PPP2R2C: variants seen among roughly 807,000 people sequenced by gnomAD.
The protein encoded by PPP2R2C is protein phosphatase 2 regulatory subunit Bgamma, also known as protein phosphatase 2, regulatory subunit B, gamma.
In PPP2R2C, 10 loss-of-function variants were observed where a neutral mutation model predicts 45.3. That is an observed-to-expected ratio of 0.22 (90% CI 0.14 to 0.37). The LOEUF (loss-of-function observed/expected upper bound fraction) is 0.37, where lower values mean the gene tolerates loss of function less well. Among genes scored for constraint, PPP2R2C ranks in the 10% least tolerant of loss-of-function variants. PPP2R2C has a pLI of 1.00. For synonymous variants in PPP2R2C, 257 were observed against 245.4 expected (o/e 1.05, Z -0.44); for missense variants, 308 against 619.7 (o/e 0.50, Z 5.34).
chr4:6,335,414 C>T (rs775622227), intron 6 of PPP2R2C, among the ~76,000 whole-genome samples: 2 of 152,012 alleles, frequency 1.3e-5, no homozygotes, highest in Admixed American at 6.5e-5. Context: ...GGACGGCACA[C>T]GCAAGGGCCC....
At chr4:6,543,750 C>G (rs1235673806) in intron 1 of PPP2R2C, among the ~76,000 whole-genome samples, 1 of 152,192 alleles carries the variant, frequency 6.6e-6, no homozygotes, top group Non-Finnish European at 1.5e-5. Flanking sequence ...CCCTGCCCGT[C>G]CTGCTACCTA....
intron 1 of PPP2R2C, among the ~76,000 whole-genome samples, chr4:6,422,943 T>C (rs2109395570): frequency 6.6e-6 from 1 of 152,264 alleles, no homozygotes; most frequent in East Asian, 1.9e-4. Flanking sequence ...ACCTGCCAAG[T>C]GCCAGCAGCA....
At position 6,333,741 on chromosome 4, in the gene PPP2R2C, CAG is replaced by C; in HGVS notation, c.791-12_791-11del. 6.2e-7 allele frequency: 1 copy of C among 1,613,892 alleles called. No homozygotes were observed. Among genetic ancestry groups the C allele is most frequent in the Non-Finnish European group, 8.5e-7 (1 of 1,179,898 alleles). On this transcript the variant is annotated splice_polypyrimidine_tract_variant and intron_variant, in intron 6 of 8. Coordinates refer to ENST00000382599, the MANE Select transcript of PPP2R2C (RefSeq NM_020416.4). ...TCAGGCTCTTCAAAGACTGTGGAGA[CAG>C]AGAAGCAATGGCCGTCACTGCGCTG...
At chr4:6,340,653 C>T (rs903378782) in intron 6 of PPP2R2C, among the ~76,000 whole-genome samples, 5 of 152,204 alleles carry the variant, frequency 3.3e-5, no homozygotes, top group African/African-American at 4.8e-5. Flanking sequence ...CTCTCACCTG[C>T]GTGAACACGC....
intron 2 of PPP2R2C, among the ~76,000 whole-genome samples, chr4:6,483,318 A>G (rs1422441035): frequency 1.3e-5 from 2 of 152,148 alleles, no homozygotes; most frequent in African/African-American, 4.8e-5. Flanking sequence ...ATGTTTTTAT[A>G]GAATAGTTTG....
At chr4:6,556,455 T>C (rs1246373597) in intron 1 of PPP2R2C, among the ~76,000 whole-genome samples, 3 of 152,296 alleles carry the variant, frequency 2.0e-5, no homozygotes, top group South Asian at 4.2e-4. Flanking sequence ...AGCTTCCGGA[T>C]GGAGCTCAGG....
chr4:6,349,195 G>A (rs187314982), intron 5 of PPP2R2C: 84 of 985,192 alleles, frequency 8.5e-5, no homozygotes, highest in Middle Eastern at 5.2e-4. Context: ...CTCAGGCTCC[G>A]GTCTCCCCGG....
chr4:6,511,819 A>ATGGTGG (rs1560594422), intron 2 of PPP2R2C, among the ~76,000 whole-genome samples: 1 of 2,874 alleles, frequency 3.5e-4, no homozygotes. Flanking sequence ...GGTGGTGGTG[A>ATGGTGG]TGGTGGTGGT....
chr4:6,467,678 G>T (rs1296673443), intron 1 of PPP2R2C, among the ~76,000 whole-genome samples: 1 of 152,190 alleles, frequency 6.6e-6, no homozygotes, highest in Non-Finnish European at 1.5e-5. Flanking sequence ...AAGCAGTCAG[G>T]GCTGTACGAG....
rs1344219106 is a variant in PPP2R2C, at chr4:6,522,004, A to G, written c.49+13267T>C. ...CCCTAAGCCAATGGCTTTGGGGGCC[A>G]TGACAAGTGGGGGCCACTGAGCTCT... On this transcript the variant is annotated intron_variant, in intron 2 of 9. Coordinates refer to the PPP2R2C transcript ENST00000506140. Among the ~76,000 whole-genome samples, 4 of 152,252 alleles carry G rather than the reference A, an allele frequency of 2.6e-5. No homozygotes were observed. In the East Asian group the frequency reaches 7.7e-4, roughly 29 times the overall value.
At chr4:6,554,924 A>G (rs1725319690) in intron 1 of PPP2R2C, among the ~76,000 whole-genome samples, 1 of 96,024 alleles carries the variant, frequency 1.0e-5, no homozygotes, top group Admixed American at 1.2e-4. Flanking sequence ...GGAAGGAAGG[A>G]AGGAAGGAAA....
intron 1 of PPP2R2C, among the ~76,000 whole-genome samples, chr4:6,395,061 C>T (rs1387091398): frequency 6.6e-6 from 1 of 152,142 alleles, no homozygotes; most frequent in African/African-American, 2.4e-5. Context: ...CCTGCAGCCG[C>T]CTCCTCTCTG....
intron 1 of PPP2R2C, among the ~76,000 whole-genome samples, chr4:6,468,708 G>A (rs576481694): frequency 2.0e-5 from 3 of 152,214 alleles, no homozygotes; most frequent in South Asian, 2.1e-4. Context: ...CTTGGCAAAT[G>A]GTGCTAAGCA....
At chr4:6,381,827 G>C in intron 1 of PPP2R2C, 1 of 1,613,804 alleles carries the variant, frequency 6.2e-7, no homozygotes, top group Non-Finnish European at 8.5e-7. Context: ...CAAGTGTTTG[G>C]AGAAAAAAGA....
chr4:6,392,180 A>C (rs1316766229), intron 1 of PPP2R2C, among the ~76,000 whole-genome samples: 2 of 152,212 alleles, frequency 1.3e-5, no homozygotes, highest in Non-Finnish European at 2.9e-5. Context: ...TTGTACATTT[A>C]AAAATGGTTC....
At chr4:6,358,613 T>C (rs1045562845) in intron 5 of PPP2R2C, among the ~76,000 whole-genome samples, 1 of 148,932 alleles carries the variant, frequency 6.7e-6, no homozygotes, top group African/African-American at 2.5e-5. Flanking sequence ...AGGGCTAATA[T>C]CCAGAATCTA....
At chr4:6,502,680 T>C (rs973583801) in intron 2 of PPP2R2C, among the ~76,000 whole-genome samples, 11 of 152,140 alleles carry the variant, frequency 7.2e-5, no homozygotes, top group Admixed American at 4.6e-4. Flanking sequence ...CAGTTCCAGA[T>C]ACCCTGGAAA....
At chr4:6,483,337 T>C (rs1722426468) in intron 2 of PPP2R2C, among the ~76,000 whole-genome samples, 1 of 152,184 alleles carries the variant, frequency 6.6e-6, no homozygotes, top group Non-Finnish European at 1.5e-5. Context: ...TGTGTTATTA[T>C]AGAGATCATA....
At chr4:6,561,714 T>C (rs758835470) in intron 1 of PPP2R2C, among the ~76,000 whole-genome samples, 1 of 151,798 alleles carries the variant, frequency 6.6e-6, no homozygotes, top group Non-Finnish European at 1.5e-5. Flanking sequence ...CACAGATACA[T>C]ACATGGATAC....
Sources: gnomAD v4.1 joint callset for allele counts (sites outside exome capture counted in the v4.1 genomes callset) on GRCh38, gnomAD v4.1.1 for gene constraint, MANE v1.5 for transcripts, NCBI Gene and HGNC (gene_info 2026-07-23, HGNC 2026-07-21) for gene names.